IMMT: variants seen among roughly 807,000 people sequenced by gnomAD.
IMMT encodes MICOS complex subunit MIC60.
A neutral mutation model predicts 92.7 loss-of-function variants in IMMT; 40 were observed. That is an observed-to-expected ratio of 0.43 (90% CI 0.34 to 0.56). The LOEUF is 0.56. Ranked by LOEUF, IMMT falls within the 20% of genes least tolerant of loss-of-function variation. The pLI, the probability that IMMT is intolerant of heterozygous loss-of-function variation, is 0.03. For missense variants in IMMT, 831 were observed against 912.1 expected (o/e 0.91, Z 1.14); for synonymous variants, 322 against 336.1 (o/e 0.96, Z 0.46).
At chr2:86,182,429 G>C (rs182841121) in intron 1 of IMMT, among the ~76,000 whole-genome samples, 1 of 152,190 alleles carries the variant, frequency 6.6e-6, no homozygotes, top group African/African-American at 2.4e-5. Flanking sequence ...CACTCTACTG[G>C]CCAAAGCCTA....
In IMMT at chr2:86,195,431, C is replaced by T; in HGVS notation, c.-49G>A. ...TGGTGGACTCGAGCTGCCGCGGCGG[C>T]GCGAGTTAAGTGGAGGCGTGCTTGC... On this transcript the variant is annotated 5_prime_UTR_variant, in exon 1 of 15. Transcript: ENST00000410111. 6.5e-7 allele frequency: 1 copy of T among 1,538,942 alleles called. No individual in the cohort carries two copies.
At chr2:86,170,709 G>A in intron 6 of IMMT, 40 bp downstream of exon 6, 3 of 1,349,138 alleles carry the variant, frequency 2.2e-6, no homozygotes, top group Non-Finnish European at 3.1e-6. Flanking sequence ...GCAACTGGGA[G>A]ATGACCCAAA....
chr2:86,145,027 T>C (rs1674889737), intron 14 of IMMT, 146 bp from the exon 15 acceptor site: 1 of 922,892 alleles, frequency 1.1e-6, no homozygotes, highest in African/African-American at 1.7e-5. Context: ...CCCCCACCAC[T>C]TATTTCTGGT....
intron 2 of IMMT, among the ~76,000 whole-genome samples, chr2:86,180,041 C>T (rs779492029): frequency 2.6e-5 from 4 of 152,024 alleles, no homozygotes; most frequent in Admixed American, 1.3e-4. Flanking sequence ...CATGCCATTG[C>T]ACTCCAGCCT....
chr2:86,195,377 C>CA lies in IMMT; in HGVS notation c.5dup (p.Arg3AlafsTer94). The CA allele has an allele frequency of 6.5e-7, 1 of 1,549,458 alleles. No individual in the cohort carries two copies. Among genetic ancestry groups the CA allele is most frequent in the Non-Finnish European group, 8.7e-7 (1 of 1,146,448 alleles). ...TCACACCCGATAACTGACAGGCCCG[C>CA]AGCATCTCGGTCAAGCGGACGGCGC... On this transcript the variant is annotated frameshift_variant, in exon 1 of 15. Coordinates refer to ENST00000410111, the MANE Select transcript of IMMT (RefSeq NM_006839.3). LOFTEE classifies it high-confidence loss of function.
chr2:86,194,527 G>A (rs1332234727), intron 1 of IMMT, among the ~76,000 whole-genome samples: 1 of 152,186 alleles, frequency 6.6e-6, no homozygotes, highest in African/African-American at 2.4e-5. Context: ...TTGAGTCACA[G>A]TACTTGGTTT....
At chr2:86,150,869 G>C (rs1416689566) in intron 12 of IMMT, among the ~76,000 whole-genome samples, 2 of 152,060 alleles carry the variant, frequency 1.3e-5, no homozygotes, top group East Asian at 3.9e-4. Flanking sequence ...CCATTCTAAA[G>C]GTCAGCTGGC....
chr2:86,173,294 G>A (rs1677223427), intron 4 of IMMT, among the ~76,000 whole-genome samples: 1 of 152,176 alleles, frequency 6.6e-6, no homozygotes, highest in Non-Finnish European at 1.5e-5. Flanking sequence ...AAGAATTGGT[G>A]AAGAGGCCGG....
At chr2:86,145,266 G>GA (rs1239496148) in intron 14 of IMMT, among the ~76,000 whole-genome samples, 2 of 64,796 alleles carry the variant, frequency 3.1e-5, no homozygotes, top group Non-Finnish European at 1.2e-4. Context: ...AGGCCGAGGT[G>GA]GGTGGATCAC....
At chr2:86,171,858 A>ATT (rs201083595) in intron 4 of IMMT, among the ~76,000 whole-genome samples, 4,141 of 119,238 alleles carry the variant, frequency 0.035, 195 homozygotes, top group African/African-American at 0.11. Flanking sequence ...ATATATATAT[A>ATT]TATATTTTTT....
intron 1 of IMMT, among the ~76,000 whole-genome samples, chr2:86,182,246 A>G (rs1035518351): frequency 2.0e-5 from 3 of 152,222 alleles, no homozygotes; most frequent in African/African-American, 7.2e-5. Context: ...TTTAAAAAAT[A>G]CTAGGAAAAA....
At chr2:86,180,762 C>T (rs977696104) in intron 2 of IMMT, among the ~76,000 whole-genome samples, 7 of 151,970 alleles carry the variant, frequency 4.6e-5, no homozygotes, top group African/African-American at 1.7e-4. Flanking sequence ...TGACATGCAC[C>T]TGTAGTCCCA....
intron 6 of IMMT, among the ~76,000 whole-genome samples, chr2:86,168,159 T>A (rs544208363): frequency 1.3e-5 from 2 of 152,294 alleles, no homozygotes; most frequent in East Asian, 3.9e-4. Flanking sequence ...ATAAAAGGAC[T>A]CAAGAAATAG....
rs1364392444 is a variant in IMMT, at chr2:86,159,547, C to G, written c.1021G>C (p.Val341Leu). 2.5e-6 allele frequency: 4 copies of G among 1,603,618 alleles called. No homozygotes were observed. Among genetic ancestry groups the G allele is most frequent in the East Asian group, 4.5e-5 (2 of 44,730 alleles). The change falls in exon 9 of 15, where the codon GTG (valine) becomes CTG (leucine). Residue 341 changes from valine to leucine, a missense_variant. Coordinates refer to ENST00000410111, the MANE Select transcript of IMMT (RefSeq NM_006839.3). Reference sequence around the variant, plus strand: ...CTTAGGAAACATACCTTTTTGACCACATTATCCAGATCAACTATCATGTTG... The same window carrying G: ...CTTAGGAAACATACCTTTTTGACCAGATTATCCAGATCAACTATCATGTTG... ...LHNMIVDLDN[V>L]VKKVQAAQSE...
chr2:86,179,305 T>C, intron 3 of IMMT, 128 bp downstream of exon 3: 1 of 702,556 alleles, frequency 1.4e-6, no homozygotes, highest in East Asian at 2.9e-5. Context: ...CATGGGATTT[T>C]TGTATCCACA....
chr2:86,179,739 G>T, intron 2 of IMMT, 117 bp from the exon 3 acceptor site: 2 of 708,154 alleles, frequency 2.8e-6, no homozygotes, highest in African/African-American at 1.9e-5. Flanking sequence ...CACTAATTCA[G>T]ATCATAGCAG....
intron 10 of IMMT, among the ~76,000 whole-genome samples, chr2:86,156,239 A>C (rs567398834): frequency 1.3e-5 from 2 of 152,136 alleles, no homozygotes; most frequent in Non-Finnish European, 2.9e-5. Flanking sequence ...GGTGTTGCCA[A>C]ATGTCATGTG....
intron 10 of IMMT, among the ~76,000 whole-genome samples, chr2:86,154,047 A>G (rs1286737033): frequency 6.6e-6 from 1 of 152,010 alleles, no homozygotes; most frequent in East Asian, 1.9e-4. Context: ...ACTTTTTTGT[A>G]GAGAAGGGGT....
At chr2:86,178,683 C>G (rs1364384939) in intron 3 of IMMT, among the ~76,000 whole-genome samples, 2 of 152,020 alleles carry the variant, frequency 1.3e-5, no homozygotes, top group Non-Finnish European at 2.9e-5. Context: ...TGCATACAGA[C>G]AAAACACAAC....
Sources: allele counts gnomAD v4.1 joint callset (sites outside exome capture counted in the v4.1 genomes callset), GRCh38; gene constraint gnomAD v4.1.1; transcripts MANE v1.5; gene names NCBI Gene and HGNC (gene_info 2026-07-23, HGNC 2026-07-21).